Variants in CFAP77 observed in about 807,000 individuals in gnomAD.
CFAP77 encodes cilia and flagella associated protein 77, also known as cilia- and flagella-associated protein 77.
CFAP77 carries 25 observed loss-of-function variants against 31.1 expected under a neutral mutation model. The ratio of observed to expected loss-of-function variants is 0.80; its 90% confidence interval spans 0.59 to 1.12. CFAP77 has a LOEUF of 1.12. CFAP77 is among the 50% of genes most tolerant of loss of function. The pLI is 0.00. For missense variants in CFAP77, 377 were observed against 397.3 expected, an observed-to-expected ratio of 0.95 and a Z score of 0.44; for synonymous variants, 151 against 159.9, an observed-to-expected ratio of 0.94 and a Z score of 0.42.
intron 1 of CFAP77, among the ~76,000 whole-genome samples, chr9:132,430,309 A>G (rs1378551627): frequency 6.6e-6 from 1 of 152,052 alleles, no homozygotes; most frequent in Non-Finnish European, 1.5e-5. Context: ...GAAAAAGTGG[A>G]TGAATAGGTT....
intron 3 of CFAP77, among the ~76,000 whole-genome samples, chr9:132,505,323 G>A (rs1421237866): frequency 3.3e-5 from 5 of 152,314 alleles, no homozygotes; most frequent in African/African-American, 7.2e-5. Flanking sequence ...ATGCAAAGCC[G>A]AATTTAGATT....
At chr9:132,524,160 TTG>T (rs1852316036) in intron 3 of CFAP77, among the ~76,000 whole-genome samples, 1 of 151,950 alleles carries the variant, frequency 6.6e-6, no homozygotes, top group South Asian at 2.1e-4. Flanking sequence ...ATTCTTTGAT[TTG>T]TGTTTATAAG....
At position 132,498,876 on chromosome 9, in the gene CFAP77, G is replaced by A. The variant is rs376712424; in HGVS notation, c.295+82G>A. On this transcript the variant is annotated intron_variant, in intron 2 of 5. Transcript: ENST00000393216. The surrounding 1 kb of genome is among the most constrained non-coding windows in gnomAD (Gnocchi z 4.2). ...CTTCACAGACCCCTTGACCTAGCTCGCTGCTTGGCAGCTGGTTGGGTGCTG... is the reference window on the plus strand; with the variant it reads ...CTTCACAGACCCCTTGACCTAGCTCACTGCTTGGCAGCTGGTTGGGTGCTG... The A allele has an allele frequency of 2.2e-4, 216 of 1,002,124 alleles. 1 individual carries two copies. The South Asian group carries it at 2.2e-3, about 10-fold the overall frequency. The allele number at this position is 1,002,124 out of a possible 1,614,324, so 62.1% of individuals were successfully genotyped here. A position where few individuals can be genotyped will look rare whatever the true frequency, so the allele number is the denominator to read the frequency against.
rs563248576 is a variant in CFAP77, at chr9:132,449,438, T to A, written c.195+38972T>A. 2.6e-5 allele frequency among the ~76,000 whole-genome samples: 4 copies of A among 151,440 alleles called. No homozygotes were observed. In the East Asian group the frequency reaches 7.8e-4, roughly 29 times the overall value. On this transcript the variant is annotated intron_variant, in intron 1 of 5. Coordinates refer to ENST00000393216, the MANE Select transcript of CFAP77 (RefSeq NM_001282957.2). ...AATGGAGCCATAGAGTACACAGGTT[T>A]TTTTTTTTTTTATGTTTTACTTCTT...
At chr9:132,507,384 C>T (rs184910826) in intron 3 of CFAP77, among the ~76,000 whole-genome samples, 6 of 152,304 alleles carry the variant, frequency 3.9e-5, no homozygotes, top group Middle Eastern at 6.8e-3. Context: ...GGTCTACACC[C>T]CCAATCCTGG....
In CFAP77 at chr9:132,524,998, C is replaced by T. The variant is rs180854224; in HGVS notation, c.525-12603C>T. On this transcript the variant is annotated intron_variant, in intron 3 of 5. Transcript: ENST00000393216. ...CTATATTTTTTGGCCCTATACTCTT[C>T]GATTACCTCTTTATGTGATAGTAAT... is the stretch of plus-strand genomic sequence containing the variant. 1.3e-3 allele frequency among the ~76,000 whole-genome samples: 188 copies of T among 145,002 alleles called. 6 individuals are homozygous for T. The highest frequency in any genetic ancestry group is 4.5e-3 in the African/African-American group (180 of 39,814).
At chr9:132,412,403 T>G (rs994004708) in intron 1 of CFAP77, among the ~76,000 whole-genome samples, 1 of 152,234 alleles carries the variant, frequency 6.6e-6, no homozygotes, top group South Asian at 2.1e-4. Context: ...TCTGGAGCAG[T>G]TAAGATGACG....
At chr9:132,533,225 G>A (rs563473012) in intron 3 of CFAP77, among the ~76,000 whole-genome samples, 4 of 152,198 alleles carry the variant, frequency 2.6e-5, no homozygotes, top group East Asian at 3.9e-4. Flanking sequence ...TTCAGCTGCC[G>A]AAGACTCTTC....
intron 5 of CFAP77, among the ~76,000 whole-genome samples, chr9:132,556,939 G>T (rs1170900424): frequency 6.6e-6 from 1 of 152,182 alleles, no homozygotes; most frequent in Non-Finnish European, 1.5e-5. Context: ...CCTTCGCCAC[G>T]CCAGGCCCGG....
In CFAP77 at chr9:132,564,876, G is replaced by A. The variant is rs1205730247; in HGVS notation, c.733-7512G>A. ...AAAGTGAGACCTCCGTTCAGGGACT[G>A]CGGTGCTGAGGAAGGGGCCTGCTGT... On this transcript the variant is annotated intron_variant, in intron 5 of 5. Coordinates refer to ENST00000393216, the MANE Select transcript of CFAP77 (RefSeq NM_001282957.2). This position sits in a 1 kb window ranked among gnomAD's most constrained non-coding sequence, Gnocchi z 4.6. Among the ~76,000 whole-genome samples the A allele has an allele frequency of 6.6e-6, 1 of 152,210 alleles. No individual in the cohort carries two copies. The highest frequency in any genetic ancestry group is 1.5e-5 in the Non-Finnish European group (1 of 68,040).
At chr9:132,427,668 C>T (rs755780057) in intron 1 of CFAP77, among the ~76,000 whole-genome samples, 1 of 152,134 alleles carries the variant, frequency 6.6e-6, no homozygotes, top group Non-Finnish European at 1.5e-5. Context: ...GTTCTGGATG[C>T]CAAAGGGCTG....
At chr9:132,468,346 A>G (rs1851191473) in intron 1 of CFAP77, among the ~76,000 whole-genome samples, 1 of 152,138 alleles carries the variant, frequency 6.6e-6, no homozygotes, top group Non-Finnish European at 1.5e-5. Flanking sequence ...CTCCGTCTCA[A>G]AAAACAAAAA....
chr9:132,472,031 G>A (rs1851268042), intron 1 of CFAP77, among the ~76,000 whole-genome samples: 1 of 152,164 alleles, frequency 6.6e-6, no homozygotes, highest in Admixed American at 6.5e-5. Flanking sequence ...ATTTTTATTT[G>A]CTAAATCTGG....
At chr9:132,542,681 A>G (rs1474012064) in intron 4 of CFAP77, among the ~76,000 whole-genome samples, 1 of 152,182 alleles carries the variant, frequency 6.6e-6, no homozygotes, top group Admixed American at 6.5e-5. Flanking sequence ...TGCACGCTGG[A>G]ATCCCACATG....
intron 3 of CFAP77, among the ~76,000 whole-genome samples, chr9:132,523,474 A>G (rs1442513673): frequency 6.6e-6 from 1 of 152,134 alleles, no homozygotes; most frequent in African/African-American, 2.4e-5. Flanking sequence ...TTTACACATG[A>G]TGTGTCTCAG....
rs1852626430 is a variant in CFAP77, at chr9:132,540,783, G to A, written c.631-2163G>A. On this transcript the variant is annotated intron_variant, in intron 4 of 5. Coordinates refer to ENST00000393216, the MANE Select transcript of CFAP77 (RefSeq NM_001282957.2). ...TTATCAGGATGTTCTTTACCTGTAA[G>A]TTTTGGGGGGCACCTCTCGAATGAG... Among the ~76,000 whole-genome samples, 4 of 152,190 alleles carry A rather than the reference G, an allele frequency of 2.6e-5. No homozygotes were observed. In the South Asian group the frequency reaches 6.2e-4, roughly 24 times the overall value.
At chr9:132,440,560 C>G (rs1207224040) in intron 1 of CFAP77, among the ~76,000 whole-genome samples, 3 of 152,144 alleles carry the variant, frequency 2.0e-5, no homozygotes, top group Non-Finnish European at 2.9e-5. Context: ...GTGGTGAAAC[C>G]AAGATCTGAA....
Position 132,499,596 on chromosome 9 carries a change from GC to G in CFAP77, c.521del (p.Ala174AspfsTer51). 6.2e-7 allele frequency: 1 copy of G among 1,614,142 alleles called. No individual in the cohort carries two copies. Among genetic ancestry groups the G allele is most frequent in the Non-Finnish European group, 8.5e-7 (1 of 1,179,972 alleles). On this transcript the variant is annotated frameshift_variant, in exon 3 of 6. Coordinates refer to ENST00000393216, the MANE Select transcript of CFAP77 (RefSeq NM_001282957.2). LOFTEE classifies it high-confidence loss of function. The surrounding 1 kb of genome is among the most constrained non-coding windows in gnomAD (Gnocchi z 5.4). ...TCCAAACATGACATTTGGGATCCGG[GC>G]ACGGTAAGGTGGCTGGCAGCCAGGG... The part of the protein sequence containing the change: ...LPPNMTFGIR[A>X]RPSTPFFDLL...
intron 1 of CFAP77, among the ~76,000 whole-genome samples, chr9:132,452,737 G>A (rs527710760): frequency 1.2e-4 from 18 of 152,232 alleles, no homozygotes; most frequent in African/African-American, 3.1e-4. Flanking sequence ...AGAGTGTGAC[G>A]GATCTGTTGC....
Sources: allele counts gnomAD v4.1 joint callset (sites outside exome capture counted in the v4.1 genomes callset), GRCh38; gene constraint gnomAD v4.1.1; non-coding constraint Gnocchi (gnomAD v3.1); transcripts MANE v1.5; gene names NCBI Gene and HGNC (gene_info 2026-07-23, HGNC 2026-07-21).